The following EHBP1 variants were observed in gnomAD, a reference collection of about 807,000 sequenced individuals.
EHBP1 encodes EH domain binding protein 1.
In EHBP1, 55 loss-of-function variants were observed where a neutral mutation model predicts 144.0. The observed-to-expected ratio is 0.38, with a 90% CI of 0.31 to 0.48. The LOEUF (loss-of-function observed/expected upper bound fraction) is 0.48, where lower values mean the gene tolerates loss of function less well. Ranked by LOEUF, EHBP1 falls within the 20% of genes least tolerant of loss-of-function variation. The probability of loss-of-function intolerance (pLI) is 0.98; values close to 1 mark genes in which losing one functional copy is unlikely to be tolerated. For synonymous variants in EHBP1, 469 were observed against 472.7 expected (o/e 0.99, Z 0.10); for missense variants, 1,200 against 1,364.2 (o/e 0.88, Z 1.90).
chr2:62,995,761 A>C (rs2059604064), intron 18 of EHBP1, among the ~76,000 whole-genome samples: 1 of 152,114 alleles, frequency 6.6e-6, no homozygotes, highest in African/African-American at 2.4e-5. Flanking sequence ...ATAATTAATC[A>C]GTTTTTATGA....
intron 8 of EHBP1, among the ~76,000 whole-genome samples, chr2:62,859,498 C>T (rs561967608): frequency 1.3e-5 from 2 of 152,258 alleles, no homozygotes; most frequent in Admixed American, 6.5e-5. Flanking sequence ...GAAAGCCTTA[C>T]GTAAACATTT....
At chr2:62,799,653 A>G (rs1336481366) in intron 5 of EHBP1, among the ~76,000 whole-genome samples, 1 of 152,218 alleles carries the variant, frequency 6.6e-6, no homozygotes, top group Non-Finnish European at 1.5e-5. Context: ...ATTATACTGG[A>G]AACTATGAAG....
intron 14 of EHBP1, among the ~76,000 whole-genome samples, chr2:62,958,179 A>G (rs2057813004): frequency 6.6e-6 from 1 of 152,182 alleles, no homozygotes; most frequent in African/African-American, 2.4e-5. Context: ...AGCTAAACAT[A>G]CACTTACATG....
At chr2:62,754,247 C>A (rs1479173254) in intron 3 of EHBP1, among the ~76,000 whole-genome samples, 1 of 152,164 alleles carries the variant, frequency 6.6e-6, no homozygotes, top group East Asian at 1.9e-4. Context: ...TTGGAGTTTG[C>A]TGGAGGTCCA....
intron 19 of EHBP1, among the ~76,000 whole-genome samples, chr2:63,013,709 A>G (rs1414021782): frequency 6.6e-6 from 1 of 152,218 alleles, no homozygotes; most frequent in East Asian, 1.9e-4. Context: ...CAAAATAAAG[A>G]CAACTAAATG....
At chr2:62,813,175 G>C (rs1475532351) in intron 5 of EHBP1, among the ~76,000 whole-genome samples, 1 of 152,180 alleles carries the variant, frequency 6.6e-6, no homozygotes, top group Non-Finnish European at 1.5e-5. Context: ...CTGAATTCCA[G>C]CTCAGTGATT....
chr2:63,038,746 A>T lies in EHBP1; in HGVS notation c.3207A>T (p.Glu1069Asp). 6.2e-7 allele frequency: 1 copy of T among 1,613,354 alleles called. No homozygotes were observed. Among genetic ancestry groups the T allele is most frequent in the Non-Finnish European group, 8.5e-7 (1 of 1,179,432 alleles). The change falls in exon 21 of 23, where the codon GAA (glutamate) becomes GAT (aspartate). Residue 1069 changes from glutamate (E) to aspartate (D), a missense_variant. Transcript: ENST00000431489. ...TGAACTTTTGCAACTTGCCCAGGGA[A>T]AAAGAACATGATTTAGAACGACGGT... Reference protein sequence around the residue: ...IRRMNQLSLLEKEHDLERRYE... With the variant: ...IRRMNQLSLLDKEHDLERRYE...
chr2:63,035,741 A>G (rs1440496909), intron 19 of EHBP1, among the ~76,000 whole-genome samples: 5 of 152,068 alleles, frequency 3.3e-5, no homozygotes, highest in Non-Finnish European at 4.4e-5. Context: ...TCACTGATCA[A>G]AAAGGCCTTC....
At chr2:62,755,426 A>C (rs1228004704) in intron 3 of EHBP1, among the ~76,000 whole-genome samples, 1 of 150,130 alleles carries the variant, frequency 6.7e-6, no homozygotes, top group African/African-American at 2.5e-5. Context: ...TTTTTTTTCC[A>C]GTTTTTTACT....
At chr2:62,919,852 T>C (rs896875877) in intron 10 of EHBP1, among the ~76,000 whole-genome samples, 1 of 151,842 alleles carries the variant, frequency 6.6e-6, no homozygotes, top group Non-Finnish European at 1.5e-5. Flanking sequence ...ATTCTGGAAC[T>C]GAAAAGTACA....
chr2:62,855,908 C>T (rs984114385), intron 7 of EHBP1, among the ~76,000 whole-genome samples: 6 of 152,308 alleles, frequency 3.9e-5, no homozygotes, highest in Admixed American at 6.5e-5. Flanking sequence ...AGCCACTCCA[C>T]GGTCTCTCTG....
At chr2:62,754,872 C>T (rs967644248) in intron 3 of EHBP1, among the ~76,000 whole-genome samples, 1 of 152,184 alleles carries the variant, frequency 6.6e-6, no homozygotes, top group African/African-American at 2.4e-5. Context: ...CCCGATTTTC[C>T]AGGTGCTGTC....
upstream of EHBP1, among the ~76,000 whole-genome samples, chr2:62,701,128 C>T (rs569848258): frequency 6.6e-6 from 1 of 152,222 alleles, no homozygotes; most frequent in South Asian, 2.1e-4. Context: ...CATTTCTCAT[C>T]TTTGGGAAAG....
At chr2:62,751,460 C>T (rs1185359809) in intron 3 of EHBP1, among the ~76,000 whole-genome samples, 2 of 152,090 alleles carry the variant, frequency 1.3e-5, no homozygotes, top group Admixed American at 6.6e-5. Context: ...TTTGCTGTGT[C>T]TGTGCCAGGC....
chr2:62,872,364 G>C (rs1402444331), intron 9 of EHBP1, among the ~76,000 whole-genome samples: 4 of 152,050 alleles, frequency 2.6e-5, no homozygotes, highest in Non-Finnish European at 5.9e-5. Flanking sequence ...CTTTTAGAGT[G>C]ATGCATAAAG....
intron 16 of EHBP1, among the ~76,000 whole-genome samples, chr2:62,991,972 C>T (rs1316369187): frequency 1.3e-5 from 2 of 152,104 alleles, no homozygotes; most frequent in Non-Finnish European, 2.9e-5. Flanking sequence ...TGATTTTTTG[C>T]GTTCAATTTA....
chr2:62,915,398 G>GA (rs1365043031), intron 10 of EHBP1, among the ~76,000 whole-genome samples: 2 of 152,010 alleles, frequency 1.3e-5, no homozygotes, highest in African/African-American at 4.8e-5. Flanking sequence ...AGGGCTATAG[G>GA]AAAAATAGAC....
chr2:62,734,833 A>G (rs190945045), intron 2 of EHBP1, among the ~76,000 whole-genome samples: 3 of 152,274 alleles, frequency 2.0e-5, no homozygotes, highest in Non-Finnish European at 2.9e-5. Context: ...GGTTTAAACG[A>G]TCCTCCCACC....
At chr2:62,867,417 A>G (rs1284465683) in intron 9 of EHBP1, among the ~76,000 whole-genome samples, 1 of 152,166 alleles carries the variant, frequency 6.6e-6, no homozygotes, top group African/African-American at 2.4e-5. Flanking sequence ...TATAAATTCA[A>G]TTGTGTTTCT....
Sources: allele counts gnomAD v4.1 joint callset (sites outside exome capture counted in the v4.1 genomes callset), GRCh38; gene constraint gnomAD v4.1.1; transcripts MANE v1.5; gene names NCBI Gene and HGNC (gene_info 2026-07-23, HGNC 2026-07-21).